The following DCDC1 variants were observed in gnomAD, a reference collection of about 807,000 sequenced individuals.
DCDC1 encodes the protein doublecortin domain-containing protein 1.
DCDC1 carries 200 observed loss-of-function variants against 178.3 expected under a neutral mutation model. That is an observed-to-expected ratio of 1.12 (90% CI 1.00 to 1.26). The LOEUF is 1.26. DCDC1 is among the 50% of genes most tolerant of loss of function. DCDC1 has a pLI of 0.00. For missense variants in DCDC1, 1,983 were observed against 1,749.2 expected, an observed-to-expected ratio of 1.13 and a Z score of -2.38; for synonymous variants, 690 against 604.8, an observed-to-expected ratio of 1.14 and a Z score of -2.07.
chr11:31,251,421 T>C (rs1298854634), intron 8 of DCDC1, among the ~76,000 whole-genome samples: 1 of 152,104 alleles, frequency 6.6e-6, no homozygotes, highest in African/African-American at 2.4e-5. Flanking sequence ...GATTGGCCTC[T>C]CTAATGTTGG....
At chr11:30,950,662 C>G (rs954582816) in intron 21 of DCDC1, among the ~76,000 whole-genome samples, 2 of 152,076 alleles carry the variant, frequency 1.3e-5, no homozygotes, top group South Asian at 2.1e-4. Context: ...TAAAATTTAA[C>G]TCATGGAGAT....
intron 20 of DCDC1, among the ~76,000 whole-genome samples, chr11:31,049,052 T>C (rs1328203675): frequency 6.6e-6 from 1 of 152,212 alleles, no homozygotes; most frequent in African/African-American, 2.4e-5. Flanking sequence ...TAAAAGTAAT[T>C]CTGAGACACG....
intron 17 of DCDC1, among the ~76,000 whole-genome samples, chr11:31,088,575 TCTCTCC>T (rs1164971467): frequency 6.6e-6 from 1 of 152,190 alleles, no homozygotes; most frequent in African/African-American, 2.4e-5. Flanking sequence ...TTCTTCCATT[TCTCTCC>T]TAGTGGCATT....
At chr11:31,362,143 C>A (rs1354119115) in intron 1 of DCDC1, among the ~76,000 whole-genome samples, 1 of 152,004 alleles carries the variant, frequency 6.6e-6, no homozygotes, top group African/African-American at 2.4e-5. Context: ...ATATATAAAT[C>A]AACAAAATTC....
At position 30,995,661 on chromosome 11, in the gene DCDC1, T is replaced by C. The variant is rs532897001; in HGVS notation, c.2592-43093A>G. 1.9e-3 allele frequency among the ~76,000 whole-genome samples: 286 copies of C among 152,242 alleles called. 4 individuals carry two copies. Among genetic ancestry groups the C allele is most frequent in the Non-Finnish European group, 3.8e-4 (26 of 68,012 alleles). ...AGAAAAGCAACTAATTGAGAAAGAATTGTCTTTCAGCAAATAGTGCTGAAC... is the reference window on the plus strand; with the variant it reads ...AGAAAAGCAACTAATTGAGAAAGAACTGTCTTTCAGCAAATAGTGCTGAAC... On this transcript the variant is annotated intron_variant, in intron 20 of 38. Transcript: ENST00000684477.
chr11:30,880,093 C>T (rs1942511992), intron 37 of DCDC1, among the ~76,000 whole-genome samples: 1 of 152,076 alleles, frequency 6.6e-6, no homozygotes, highest in Non-Finnish European at 1.5e-5. Flanking sequence ...AACCTACAAA[C>T]TGGGGATACA....
chr11:30,870,818 G>A (rs140038888), intron 38 of DCDC1, among the ~76,000 whole-genome samples: 104 of 152,310 alleles, frequency 6.8e-4, no homozygotes, highest in African/African-American at 2.5e-3. Flanking sequence ...AGTTTTAAGT[G>A]TATACCCAAG....
At chr11:31,023,360 A>G (rs1366364222) in intron 20 of DCDC1, among the ~76,000 whole-genome samples, 3 of 152,120 alleles carry the variant, frequency 2.0e-5, no homozygotes, top group African/African-American at 7.2e-5. Context: ...AGAACACAGT[A>G]GGATATGAAT....
intron 37 of DCDC1, among the ~76,000 whole-genome samples, chr11:30,880,296 G>T (rs1445670820): frequency 6.6e-6 from 1 of 152,114 alleles, no homozygotes; most frequent in Non-Finnish European, 1.5e-5. Flanking sequence ...AATATTTGTG[G>T]CTTCCCTCAG....
chr11:31,333,426 G>A (rs1950104947), intron 2 of DCDC1, among the ~76,000 whole-genome samples: 1 of 152,182 alleles, frequency 6.6e-6, no homozygotes, highest in Non-Finnish European at 1.5e-5. Flanking sequence ...TCATTATGAT[G>A]TTAGCTGGTT....
intron 11 of DCDC1, among the ~76,000 whole-genome samples, chr11:31,121,508 G>C (rs1960800436): frequency 6.7e-6 from 1 of 149,944 alleles, no homozygotes; most frequent in Non-Finnish European, 1.5e-5. Flanking sequence ...CACAGAAATA[G>C]TGTCCTTTTA....
intron 1 of DCDC1, among the ~76,000 whole-genome samples, chr11:31,336,388 A>G (rs1950275120): frequency 6.6e-6 from 1 of 152,244 alleles, no homozygotes; most frequent in African/African-American, 2.4e-5. Flanking sequence ...AAGTAGATGA[A>G]TAGATGAACA....
chr11:31,090,612 G>C (rs1957767356), intron 17 of DCDC1, among the ~76,000 whole-genome samples: 1 of 152,134 alleles, frequency 6.6e-6, no homozygotes, highest in Non-Finnish European at 1.5e-5. Flanking sequence ...TGAGTCTGTA[G>C]ATCACATTCT....
intron 38 of DCDC1, among the ~76,000 whole-genome samples, chr11:30,870,930 G>T (rs1381676772): frequency 6.6e-6 from 1 of 152,138 alleles, no homozygotes; most frequent in East Asian, 1.9e-4. Flanking sequence ...CAAAACAATG[G>T]CAGAAATACA....
At chr11:30,943,166 T>A (rs1947777955) in intron 21 of DCDC1, 1 of 152,334 alleles carries the variant, frequency 6.6e-6, no homozygotes, top group South Asian at 2.1e-4. Context: ...TGAGCTGTGG[T>A]GCTCCCTTAA....
At chr11:31,157,372 A>AAAAAT (rs71060478) in intron 9 of DCDC1, among the ~76,000 whole-genome samples, 2 of 96,876 alleles carry the variant, frequency 2.1e-5, no homozygotes, top group Non-Finnish European at 4.2e-5. Flanking sequence ...AAAAAAAAAA[A>AAAAAT]ATATATATAT....
intron 20 of DCDC1, among the ~76,000 whole-genome samples, chr11:31,015,217 G>C (rs964054765): frequency 6.6e-6 from 1 of 151,904 alleles, no homozygotes; most frequent in Non-Finnish European, 1.5e-5. Flanking sequence ...CAAAGTGCTG[G>C]GATTACAGGC....
At chr11:31,191,547 G>C (rs1398922621) in intron 9 of DCDC1, among the ~76,000 whole-genome samples, 1 of 152,034 alleles carries the variant, frequency 6.6e-6, no homozygotes, top group African/African-American at 2.4e-5. Context: ...GGGAAATTTT[G>C]TTGATTGATA....
At chr11:31,059,267 CTTTAT>C (rs1955784095) in intron 20 of DCDC1, among the ~76,000 whole-genome samples, 2 of 152,132 alleles carry the variant, frequency 1.3e-5, no homozygotes, top group East Asian at 1.9e-4. Flanking sequence ...TATTTGTTCA[CTTTAT>C]TTTAATTCAC....
Sources: allele counts gnomAD v4.1 joint callset (sites outside exome capture counted in the v4.1 genomes callset), GRCh38; gene constraint gnomAD v4.1.1; transcripts MANE v1.5; gene names NCBI Gene and HGNC (gene_info 2026-07-23, HGNC 2026-07-21).